PRRG2: variants seen among roughly 807,000 people sequenced by gnomAD.
PRRG2 encodes transmembrane gamma-carboxyglutamic acid protein 2.
PRRG2 carries 23 observed loss-of-function variants against 27.1 expected under a neutral mutation model. The ratio of observed to expected loss-of-function variants is 0.85; its 90% CI spans 0.61 to 1.20. The LOEUF is 1.20. Ranked by LOEUF, PRRG2 falls within the 50% of genes most tolerant of loss-of-function variation. The pLI, the probability that PRRG2 is intolerant of heterozygous loss-of-function variation, is 0.00. For synonymous variants in PRRG2, 104 were observed against 103.4 expected (o/e 1.01, Z -0.03); for missense variants, 276 against 254.8 (o/e 1.08, Z -0.57).
intron 4 of PRRG2, among the ~76,000 whole-genome samples, chr19:49,584,501 C>A (rs1357195286): frequency 6.6e-6 from 1 of 152,124 alleles, no homozygotes; most frequent in Non-Finnish European, 1.5e-5. Context: ...CAGGGTCTCG[C>A]TGTGTCACCC....
intron 4 of PRRG2, among the ~76,000 whole-genome samples, chr19:49,585,141 T>A (rs906844620): frequency 6.6e-6 from 1 of 152,128 alleles, no homozygotes; most frequent in African/African-American, 2.4e-5. Context: ...CCTGGCTGAT[T>A]TCCCCTCCCC....
At position 49,588,480 on chromosome 19, in the gene PRRG2, T is replaced by G. The variant is rs1304735433; in HGVS notation, c.302-17T>G. ...CAGTCCCCGAGACAGTGTCTCCCCT[T>G]CCCTACTTTCCTGCAGGGCGTGGAC... On this transcript the variant is annotated splice_polypyrimidine_tract_variant and intron_variant, in intron 4 of 6. Transcript: ENST00000246794. 6.3e-7 allele frequency: 1 copy of G among 1,584,784 alleles called. No individual in the cohort carries two copies. Among genetic ancestry groups the G allele is most frequent in the Non-Finnish European group, 8.6e-7 (1 of 1,166,424 alleles).
chr19:49,587,172 T>A (rs565501764), intron 4 of PRRG2, among the ~76,000 whole-genome samples: 7 of 151,712 alleles, frequency 4.6e-5, no homozygotes, highest in African/African-American at 1.5e-4. Flanking sequence ...TTTCTTTTTT[T>A]TTTTGGTAGA....
Position 49,589,904 on chromosome 19 carries a change from G to A in PRRG2, c.442G>A (p.Gly148Arg), listed in dbSNP as rs1323280455. ...CTGTACCTTTGCTGTCCCCAGGGCC[G>A]GGCTCATTAGCCCTCTGAGTCCTTT... ...RGQQPCPQEA[G>R]LISPLSPLNP... Residue 148 changes from glycine to arginine, a missense_variant, in exon 6 of 7, where the codon GGG (glycine) becomes AGG (arginine). Transcript: ENST00000246794. 4 of 1,613,090 alleles carry A rather than the reference G, an allele frequency of 2.5e-6. No individual in the cohort carries two copies. Among genetic ancestry groups the A allele is most frequent in the Non-Finnish European group, 3.4e-6 (4 of 1,179,930 alleles).
Position 49,583,324 on chromosome 19 carries a change from G to C in PRRG2, c.85+20G>C. On this transcript the variant is annotated intron_variant, in intron 2 of 6. Transcript: ENST00000246794. ...ACCAAGGTGAGTGTTTGGGGGAAGT[G>C]GCATCCAGACACTTGGCGTTGGCCT... 6.2e-7 allele frequency: 1 copy of C among 1,610,948 alleles called. No homozygotes were observed. Among genetic ancestry groups the C allele is most frequent in the Non-Finnish European group, 8.5e-7 (1 of 1,177,312 alleles).
intron 4 of PRRG2, 147 bp downstream of exon 4, chr19:49,584,099 G>A: frequency 1.3e-6 from 1 of 757,910 alleles, no homozygotes; most frequent in Non-Finnish European, 2.0e-6. Flanking sequence ...TGCTAAAGGA[G>A]TTCCCTCCCT....
Position 49,590,516 on chromosome 19 carries a change from C to G in PRRG2, c.*127C>G. ...GGGAATGGTGGGAGTAGGGGTCATC[C>G]GGCCCGAGGCCTGCCCTGGCACACG... On this transcript the variant is annotated 3_prime_UTR_variant, in exon 7 of 7. Coordinates refer to ENST00000246794, the MANE Select transcript of PRRG2 (RefSeq NM_000951.3). 7.5e-7 allele frequency: 1 copy of G among 1,333,858 alleles called. No homozygotes were observed. Among genetic ancestry groups the G allele is most frequent in the Non-Finnish European group, 1.1e-6 (1 of 950,096 alleles). 82.6% of individuals were successfully genotyped at this position (1,333,858 alleles called of 1,614,324 possible). A position where few individuals can be genotyped will look rare whatever the true frequency, so the allele number is the denominator to read the frequency against.
At chr19:49,585,910 T>G (rs1038322117) in intron 4 of PRRG2, among the ~76,000 whole-genome samples, 1 of 151,794 alleles carries the variant, frequency 6.6e-6, no homozygotes, top group African/African-American at 2.4e-5. Flanking sequence ...TGAAACCCCA[T>G]CTCTACTAAA....
intron 4 of PRRG2, among the ~76,000 whole-genome samples, chr19:49,585,819 C>G (rs1568416825): frequency 6.6e-6 from 1 of 151,704 alleles, no homozygotes; most frequent in Non-Finnish European, 1.5e-5. Flanking sequence ...GTGGCTCACA[C>G]CTGTAATCCA....
chr19:49,587,244 T>C (rs1450061571), intron 4 of PRRG2, among the ~76,000 whole-genome samples: 1 of 151,368 alleles, frequency 6.6e-6, no homozygotes, highest in Non-Finnish European at 1.5e-5. Flanking sequence ...CCCAAAGTTC[T>C]GAAATTACAG....
In PRRG2 at chr19:49,583,634, C is replaced by A; in HGVS notation, c.178C>A (p.Pro60Thr). The change falls in exon 3 of 7, where the codon CCA becomes ACA. Residue 60 changes from proline (P) to threonine (T), a missense_variant. Physicochemically the swap from Pro to Thr is conservative, Grantham distance 38. Transcript: ENST00000246794. Reference protein sequence around the residue: ...ANHWDLELLTPGNLERECLEE... With the variant: ...ANHWDLELLTTGNLERECLEE... ...CCACTGGGACCTGGAGCTGCTCACA[C>A]CAGGGAACCTGGAACGGGAGTGTCT... 2 of 1,614,208 alleles carry A rather than the reference C, an allele frequency of 1.2e-6. No individual in the cohort carries two copies. The highest frequency in any genetic ancestry group is 1.7e-6 in the Non-Finnish European group (2 of 1,180,046).
intron 1 of PRRG2, among the ~76,000 whole-genome samples, chr19:49,582,877 A>AG (rs1021047761): frequency 1.3e-5 from 2 of 151,824 alleles, no homozygotes; most frequent in African/African-American, 4.8e-5. Flanking sequence ...CAAAAAAAAA[A>AG]GAAAATTAGC....
intron 4 of PRRG2, among the ~76,000 whole-genome samples, chr19:49,585,954 G>A (rs1599776183): frequency 2.0e-5 from 3 of 151,614 alleles, no homozygotes; most frequent in Middle Eastern, 6.8e-3. Context: ...GTGGCACGTG[G>A]CTGTAATCCC....
intron 5 of PRRG2, 37 bp downstream of exon 5, chr19:49,588,669 G>C (rs757713741): frequency 1.3e-6 from 2 of 1,506,980 alleles, no homozygotes; most frequent in Non-Finnish European, 8.8e-7. Flanking sequence ...TGGTGGTGGA[G>C]AGCAGGGGAG....
intron 2 of PRRG2, 43 bp downstream of exon 2, chr19:49,583,347 C>T: frequency 6.3e-7 from 1 of 1,593,920 alleles, no homozygotes; most frequent in East Asian, 2.2e-5. Flanking sequence ...TTGGCGTTGG[C>T]CTCCCCCTGA....
chr19:49,590,225 T>A, intron 6 of PRRG2, 146 bp from the exon 7 acceptor site: 5 of 1,432,034 alleles, frequency 3.5e-6, no homozygotes, highest in East Asian at 2.3e-5. Flanking sequence ...CAGCGTTGTA[T>A]GTGTGGAGCC....
rs2080689970 is a variant in PRRG2, at chr19:49,588,590, T to C, written c.395T>C (p.Leu132Pro). The change falls in exon 5 of 7, where the codon CTG becomes CCG. Residue 132 changes from leucine to proline, a missense_variant. Coordinates refer to ENST00000246794, the MANE Select transcript of PRRG2 (RefSeq NM_000951.3). ...VLAGLGAFWY[L>P]RWRQHRGQQP... Reference sequence around the variant, plus strand: ...GCCGGCCTGGGAGCCTTTTGGTATCTGCGCTGGCGACAGCACCGAGGCCAG... The same window carrying C: ...GCCGGCCTGGGAGCCTTTTGGTATCCGCGCTGGCGACAGCACCGAGGCCAG... 1 of 1,551,326 alleles carries C rather than the reference T, an allele frequency of 6.4e-7. No homozygotes were observed. The highest frequency in any genetic ancestry group is 8.7e-7 in the Non-Finnish European group (1 of 1,148,558).
intron 2 of PRRG2, 34 bp downstream of exon 2, chr19:49,583,338 T>G (rs1199423811): frequency 2.5e-6 from 4 of 1,604,418 alleles, no homozygotes; most frequent in Non-Finnish European, 3.4e-6. Flanking sequence ...TCCAGACACT[T>G]GGCGTTGGCC....
At chr19:49,580,728 C>T (rs1206147901), upstream of PRRG2, 1 of 152,112 alleles carries the variant, frequency 6.6e-6, no homozygotes. Context: ...TCGAAAGTTC[C>T]GGATATTGAA....
Sources: gnomAD v4.1 joint callset for allele counts (sites outside exome capture counted in the v4.1 genomes callset) on GRCh38, gnomAD v4.1.1 for gene constraint, MANE v1.5 for transcripts, NCBI Gene and HGNC (gene_info 2026-07-23, HGNC 2026-07-21) for gene names.